LCMT1: variants seen among roughly 807,000 people sequenced by gnomAD.
The protein encoded by LCMT1 is leucine carboxyl methyltransferase 1.
Under a neutral mutation model 47.7 loss-of-function variants are expected in LCMT1, and 32 were observed. The observed-to-expected ratio is 0.67, with a 90% CI of 0.51 to 0.90. The LOEUF is 0.90. LCMT1 is among the 40% of genes least tolerant of loss of function. The pLI, the probability that LCMT1 is intolerant of heterozygous loss-of-function variation, is 0.00. For synonymous variants in LCMT1, 152 were observed against 149.7 expected (o/e 1.02, Z -0.11); for missense variants, 375 against 415.2 (o/e 0.90, Z 0.84).
chr16:25,157,931 T>C (rs528832654), intron 5 of LCMT1, among the ~76,000 whole-genome samples: 35 of 152,390 alleles, frequency 2.3e-4, no homozygotes, highest in Admixed American at 2.2e-3. Flanking sequence ...TTTTAATTAG[T>C]TGGGTTTAAA....
chr16:25,126,778 T>G (rs1597566285), intron 1 of LCMT1, among the ~76,000 whole-genome samples: 2 of 152,080 alleles, frequency 1.3e-5, no homozygotes, highest in Admixed American at 1.3e-4. Context: ...GCGGGGCGAG[T>G]GCCTTCCTTG....
At chr16:25,164,802 C>G (rs552413993) in intron 7 of LCMT1, 84 bp downstream of exon 7, 1 of 1,555,800 alleles carries the variant, frequency 6.4e-7, no homozygotes, top group African/African-American at 1.4e-5. Flanking sequence ...GATAACTTCC[C>G]TTATCCTTTT....
In LCMT1 at chr16:25,169,098, T is replaced by C. The variant is rs781074335; in HGVS notation, c.691-14T>C. On this transcript the variant is annotated splice_polypyrimidine_tract_variant and intron_variant, in intron 7 of 10. Coordinates refer to ENST00000399069, the MANE Select transcript of LCMT1 (RefSeq NM_016309.3). ...ACCCTTAGAGTAATATCTTACCTTC[T>C]CTTTCCCTCCTAGGTGAACATGGGT... The C allele has an allele frequency of 1.9e-6, 3 of 1,578,220 alleles. No individual in the cohort carries two copies. The highest frequency in any genetic ancestry group is 2.6e-6 in the Non-Finnish European group (3 of 1,148,202).
chr16:25,117,821 C>T (rs1428200772), intron 1 of LCMT1, among the ~76,000 whole-genome samples: 2 of 150,562 alleles, frequency 1.3e-5, no homozygotes, highest in African/African-American at 4.9e-5. Context: ...TACTGCATTC[C>T]GGCCTGGGCG....
chr16:25,143,254 C>T (rs918659984), intron 4 of LCMT1: 4 of 152,180 alleles, frequency 2.6e-5, no homozygotes, highest in African/African-American at 7.2e-5. Flanking sequence ...TTAGGCTGCA[C>T]GAAGGGGCCC....
intron 9 of LCMT1, among the ~76,000 whole-genome samples, chr16:25,172,506 T>C (rs763671681): frequency 1.3e-5 from 2 of 152,266 alleles, no homozygotes; most frequent in African/African-American, 2.4e-5. Flanking sequence ...TGTACAGCGC[T>C]AGTGCGCACT....
At chr16:25,155,433 G>C (rs1042270088) in intron 5 of LCMT1, among the ~76,000 whole-genome samples, 1 of 151,936 alleles carries the variant, frequency 6.6e-6, no homozygotes, top group Non-Finnish European at 1.5e-5. Context: ...TATAGTCCTA[G>C]CTACTTGGGA....
Position 25,178,128 on chromosome 16 carries a change from C to A in LCMT1, c.*105C>A. The A allele has an allele frequency of 2.0e-6, 2 of 1,009,138 alleles. No homozygotes were observed. The highest frequency in any genetic ancestry group is 3.1e-6 in the Non-Finnish European group (2 of 648,210). The allele number at this position is 1,009,138 out of a possible 1,614,324, so 62.5% of individuals were successfully genotyped here. A position where few individuals can be genotyped will look rare whatever the true frequency, so the allele number is the denominator to read the frequency against. The stretch of plus-strand genomic sequence containing the variant: ...GGCGGGCCTCGTCCGCAGGTCTCAT[C>A]CCACACTCTTGAGAAGCCTTGGTCA... On this transcript the variant is annotated 3_prime_UTR_variant, in exon 11 of 11. Coordinates refer to ENST00000399069, the MANE Select transcript of LCMT1 (RefSeq NM_016309.3).
chr16:25,164,761 C>G, intron 7 of LCMT1, 43 bp downstream of exon 7: 2 of 1,613,180 alleles, frequency 1.2e-6, no homozygotes, highest in Non-Finnish European at 1.7e-6. Flanking sequence ...ACAGGATCGC[C>G]GTGGTGGCTT....
intron 4 of LCMT1, among the ~76,000 whole-genome samples, chr16:25,148,530 T>C (rs1960949173): frequency 6.6e-6 from 1 of 152,108 alleles, no homozygotes; most frequent in African/African-American, 2.4e-5. Context: ...CTTCCAGCCG[T>C]GTCAGTCCGT....
At chr16:25,138,929 CTCTTT>C (rs1163042354) in intron 3 of LCMT1, among the ~76,000 whole-genome samples, 1 of 151,998 alleles carries the variant, frequency 6.6e-6, no homozygotes, top group Admixed American at 6.5e-5. Context: ...CTTCACTTTT[CTCTTT>C]TCTTTTTTTT....
intron 6 of LCMT1, 93 bp from the exon 7 acceptor site, chr16:25,164,505 G>T: frequency 6.6e-7 from 1 of 1,504,950 alleles, no homozygotes; most frequent in South Asian, 1.2e-5. Context: ...CCTGGGGCAT[G>T]GACCGCCCCA....
At chr16:25,169,586 C>T (rs1055309045) in intron 8 of LCMT1, 2 of 182,186 alleles carry the variant, frequency 1.1e-5, no homozygotes, top group African/African-American at 4.6e-5. Flanking sequence ...TCAGGCAAAT[C>T]CCAGACAGCA....
chr16:25,124,454 A>T (rs1960095972), intron 1 of LCMT1, among the ~76,000 whole-genome samples: 1 of 152,238 alleles, frequency 6.6e-6, no homozygotes, highest in African/African-American at 2.4e-5. Flanking sequence ...AGCTGATGTA[A>T]CTGACTTCAG....
intron 1 of LCMT1, among the ~76,000 whole-genome samples, chr16:25,112,695 A>G (rs968553361): frequency 5.9e-5 from 9 of 152,208 alleles, no homozygotes; most frequent in Non-Finnish European, 1.0e-4. Flanking sequence ...CAAGACAGAC[A>G]TGGTGTCAGA....
At chr16:25,133,385 G>GTT (rs1177872054) in intron 3 of LCMT1, among the ~76,000 whole-genome samples, 3,670 of 52,624 alleles carry the variant, frequency 0.07, 1,097 homozygotes, top group Middle Eastern at 0.17. Context: ...CTGGGCTTAG[G>GTT]TTTTTTTTTT....
rs369547210 is a variant in LCMT1 at position 25,111,937 on chromosome 16, C to T, written c.54C>T (p.Ser18=). The stretch of plus-strand genomic sequence containing the variant: ...TCACCTCCTGCTGTTCCACCTCGAG[C>T]TGCGACGCAGACGACGAGGGCGTGC... The part of the protein sequence containing the change: ...SSITSCCSTS[S]CDADDEGVRG... The change falls in exon 1 of 11, where the codon AGC becomes AGT. Residue 18 remains serine, a synonymous_variant. Transcript: ENST00000399069. 94 of 1,613,528 alleles carry T rather than the reference C, an allele frequency of 5.8e-5. No homozygotes were observed. Among genetic ancestry groups the T allele is most frequent in the Non-Finnish European group, 7.7e-5 (91 of 1,179,774 alleles).
At chr16:25,174,720 T>G in intron 9 of LCMT1, 1 of 311,936 alleles carries the variant, frequency 3.2e-6, no homozygotes, top group East Asian at 5.4e-5. Flanking sequence ...AAATATATGT[T>G]TCTAGTTTGG....
At chr16:25,175,813 G>A (rs530233075) in intron 10 of LCMT1, among the ~76,000 whole-genome samples, 6 of 152,170 alleles carry the variant, frequency 3.9e-5, no homozygotes, top group South Asian at 4.2e-4. Flanking sequence ...ACATGTATCC[G>A]TGAGCATATC....
Sources: gnomAD v4.1 joint callset for allele counts (sites outside exome capture counted in the v4.1 genomes callset) on GRCh38, gnomAD v4.1.1 for gene constraint, MANE v1.5 for transcripts, NCBI Gene and HGNC (gene_info 2026-07-23, HGNC 2026-07-21) for gene names.